The following UBR2 variants were observed in gnomAD, a reference collection of about 807,000 sequenced individuals.
UBR2 encodes ubiquitin protein ligase E3 component n-recognin 2.
In UBR2, 92 loss-of-function variants were observed where a neutral mutation model predicts 247.9. That is an observed-to-expected ratio of 0.37 (90% CI 0.31 to 0.44). The LOEUF (loss-of-function observed/expected upper bound fraction) is 0.44. Among genes scored for constraint, UBR2 ranks in the 20% least tolerant of loss-of-function variants. The pLI, the probability that UBR2 is intolerant of heterozygous loss-of-function variation, is 1.00. For synonymous variants in UBR2, 672 were observed against 693.5 expected, an observed-to-expected ratio of 0.97 and a Z score of 0.49; for missense variants, 1,613 against 2,112.6, an observed-to-expected ratio of 0.76 and a Z score of 4.64.
chr6:42,646,304 C>A (rs1381363318), intron 21 of UBR2, among the ~76,000 whole-genome samples: 4 of 152,204 alleles, frequency 2.6e-5, no homozygotes, highest in African/African-American at 9.6e-5. Flanking sequence ...AGATTTCAAC[C>A]TATCTTATCT....
chr6:42,654,233 C>A (rs1440400193), intron 25 of UBR2, among the ~76,000 whole-genome samples: 1 of 152,106 alleles, frequency 6.6e-6, no homozygotes, highest in Non-Finnish European at 1.5e-5. Context: ...ACTAGTACAG[C>A]TGTACTAGCT....
chr6:42,595,283 G>A (rs534535618), intron 4 of UBR2, among the ~76,000 whole-genome samples: 10 of 152,200 alleles, frequency 6.6e-5, no homozygotes, highest in Non-Finnish European at 8.8e-5. Flanking sequence ...TCTTGTATCC[G>A]TTAGCCAACC....
chr6:42,654,534 G>A (rs1797324829), intron 25 of UBR2, among the ~76,000 whole-genome samples: 1 of 152,152 alleles, frequency 6.6e-6, no homozygotes, highest in Non-Finnish European at 1.5e-5. Flanking sequence ...AGACCAGCCT[G>A]TACAACATGG....
intron 2 of UBR2, among the ~76,000 whole-genome samples, chr6:42,583,340 C>T (rs1242165838): frequency 6.6e-6 from 1 of 151,920 alleles, no homozygotes; most frequent in African/African-American, 2.4e-5. Context: ...CTCTGCCTCC[C>T]GGATTCAAGC....
At chr6:42,635,591 G>A in intron 14 of UBR2, 45 bp downstream of exon 14, 2 of 1,572,688 alleles carry the variant, frequency 1.3e-6, no homozygotes, top group South Asian at 1.2e-5. Context: ...AGTGGAAGAG[G>A]GAGGAATAAG....
chr6:42,685,988 C>G (rs1312192225), intron 44 of UBR2, among the ~76,000 whole-genome samples: 1 of 152,156 alleles, frequency 6.6e-6, no homozygotes, highest in Admixed American at 6.5e-5. Flanking sequence ...AAGATACCTA[C>G]TATTCTAAAT....
intron 7 of UBR2, among the ~76,000 whole-genome samples, chr6:42,610,722 T>C (rs1463969139): frequency 2.0e-5 from 3 of 152,166 alleles, no homozygotes; most frequent in Non-Finnish European, 2.9e-5. Flanking sequence ...TTAGGTATTA[T>C]GGCGAGTTTC....
chr6:42,581,801 G>T (rs534181701), intron 2 of UBR2, among the ~76,000 whole-genome samples: 9 of 152,258 alleles, frequency 5.9e-5, no homozygotes, highest in African/African-American at 2.2e-4. Context: ...CTGTTGTTCT[G>T]TTGATGAACA....
chr6:42,673,994 G>C, intron 37 of UBR2, 107 bp downstream of exon 37: 1 of 1,296,622 alleles, frequency 7.7e-7, no homozygotes, highest in Non-Finnish European at 1.1e-6. Flanking sequence ...AGTAGTACTG[G>C]TTTTCTTATA....
rs1363383700 is a variant in UBR2 at position 42,573,729 on chromosome 6, T to C, written c.79-5T>C. The C allele has an allele frequency of 6.6e-7, 1 of 1,507,140 alleles. No individual in the cohort carries two copies. Among genetic ancestry groups the C allele is most frequent in the African/African-American group, 1.4e-5 (1 of 70,482 alleles). 93.4% of individuals were successfully genotyped at this position (1,507,140 alleles called of 1,614,324 possible). A position where few individuals can be genotyped will look rare whatever the true frequency, so the allele number is the denominator to read the frequency against. ...AACCATTTCTTCTCTTTTCTTCTTTTAAAGAAATGGCTGCAAGCAACTGAC... is the reference window on the plus strand; with the variant it reads ...AACCATTTCTTCTCTTTTCTTCTTTCAAAGAAATGGCTGCAAGCAACTGAC... On this transcript the variant is annotated splice_region_variant and splice_polypyrimidine_tract_variant and intron_variant, in intron 1 of 46. Transcript: ENST00000372901.
At chr6:42,662,394 C>A in intron 31 of UBR2, 117 bp downstream of exon 31, 1 of 630,272 alleles carries the variant, frequency 1.6e-6, no homozygotes, top group Non-Finnish European at 2.7e-6. Flanking sequence ...TGAAAAAATC[C>A]GTATCATTGC....
At chr6:42,631,860 T>TTATATATATATGTATATATATATA (rs1795735057) in intron 11 of UBR2, among the ~76,000 whole-genome samples, 1 of 61,506 alleles carries the variant, frequency 1.6e-5, no homozygotes, top group Non-Finnish European at 3.5e-5. Context: ...TACTCTGATT[T>TTATATATATATGTATATATATATA]TATATATATA....
rs952777460 is a variant in UBR2 at position 42,589,813 on chromosome 6, A to G, written c.339-2338A>G. On this transcript the variant is annotated intron_variant, in intron 2 of 46. Coordinates refer to ENST00000372901, the MANE Select transcript of UBR2 (RefSeq NM_001363705.2). ...AAGATCATGATCCAATGTGTTCTGAACCCTGTTGTTTTGTTGATGTTAGCT... is the reference window on the plus strand; with the variant it reads ...AAGATCATGATCCAATGTGTTCTGAGCCCTGTTGTTTTGTTGATGTTAGCT... Among the ~76,000 whole-genome samples, 3 of 152,082 alleles carry G rather than the reference A, an allele frequency of 2.0e-5. No individual in the cohort carries two copies. In the East Asian group the frequency reaches 5.8e-4, roughly 29 times the overall value.
In UBR2 at chr6:42,659,373, T is replaced by C. The variant is rs1797641451; in HGVS notation, c.3243-283T>C. Among the ~76,000 whole-genome samples the C allele has an allele frequency of 6.6e-6, 1 of 151,446 alleles. No homozygotes were observed. The highest frequency in any genetic ancestry group is 6.6e-5 in the Admixed American group (1 of 15,188). On this transcript the variant is annotated intron_variant, in intron 29 of 46. Coordinates refer to ENST00000372901, the MANE Select transcript of UBR2 (RefSeq NM_001363705.2). This position sits in a 1 kb window ranked among gnomAD's most constrained non-coding sequence, Gnocchi z 4.3. ...AAAATTAGCCGGGTGTGGTGGTGCA[T>C]GCCTATAATCCCAGCTACTCAGGAG...
intron 7 of UBR2, among the ~76,000 whole-genome samples, chr6:42,608,854 T>C (rs1186295119): frequency 2.0e-5 from 3 of 152,186 alleles, no homozygotes; most frequent in Non-Finnish European, 4.4e-5. Flanking sequence ...TGCCTTTCAT[T>C]GAGCAAAAAC....
chr6:42,580,946 G>A (rs898861192), intron 2 of UBR2, among the ~76,000 whole-genome samples: 5 of 151,394 alleles, frequency 3.3e-5, no homozygotes, highest in South Asian at 2.1e-4. Context: ...GGCTCCAGCC[G>A]CCTAGGTAAC....
At chr6:42,632,069 A>AAATATATATATATAT (rs56721828) in intron 11 of UBR2, among the ~76,000 whole-genome samples, 3 of 114,088 alleles carry the variant, frequency 2.6e-5, no homozygotes, top group African/African-American at 1.0e-4. Flanking sequence ...AAAAAAAAAA[A>AAATATATATATATAT]ATATATATAT....
intron 2 of UBR2, among the ~76,000 whole-genome samples, chr6:42,587,790 G>A (rs558023983): frequency 1.3e-5 from 2 of 152,280 alleles, no homozygotes; most frequent in African/African-American, 4.8e-5. Flanking sequence ...ATGTTTATCT[G>A]AACATGTTTT....
intron 22 of UBR2, among the ~76,000 whole-genome samples, chr6:42,649,694 T>C (rs768843820): frequency 2.6e-5 from 4 of 152,228 alleles, no homozygotes; most frequent in Non-Finnish European, 5.9e-5. Context: ...TTTTTCATAC[T>C]TTAATGCATT....
Sources: allele counts gnomAD v4.1 joint callset (sites outside exome capture counted in the v4.1 genomes callset), GRCh38; gene constraint gnomAD v4.1.1; non-coding constraint Gnocchi (gnomAD v3.1); transcripts MANE v1.5; gene names NCBI Gene and HGNC (gene_info 2026-07-23, HGNC 2026-07-21).